CMIP: variants seen among roughly 807,000 people sequenced by gnomAD.
The protein encoded by CMIP is c-Maf inducing protein.
A neutral mutation model predicts 97.3 loss-of-function variants in CMIP; 13 were observed. That is an observed-to-expected ratio of 0.13 (90% confidence interval 0.09 to 0.21). CMIP has a LOEUF of 0.21. Among genes scored for constraint, CMIP ranks in the 10% least tolerant of loss-of-function variants. CMIP has a pLI of 1.00. For synonymous variants in CMIP, 538 were observed against 436.3 expected (o/e 1.23, Z -2.91); for missense variants, 847 against 1,024.9 (o/e 0.83, Z 2.37).
intron 15 of CMIP, among the ~76,000 whole-genome samples, chr16:81,700,905 C>T: frequency 6.6e-6 from 1 of 151,992 alleles, no homozygotes; most frequent in Non-Finnish European, 1.5e-5. Context: ...ATTCGGAGGC[C>T]ATGGGGGAGG....
intron 1 of CMIP, 139 bp from the exon 2 acceptor site, chr16:81,607,428 A>C: frequency 9.1e-7 from 1 of 1,094,614 alleles, no homozygotes. Flanking sequence ...TGCTTTGGTC[A>C]CCAGAGGTGC....
chr16:81,647,445 C>T (rs1269828553), intron 3 of CMIP, among the ~76,000 whole-genome samples: 2 of 152,134 alleles, frequency 1.3e-5, no homozygotes, highest in Non-Finnish European at 2.9e-5. Flanking sequence ...TCACCGCATG[C>T]TATAGTTCAC....
In CMIP at chr16:81,616,377, T is replaced by C. The variant is rs944172144; in HGVS notation, c.427-4499T>C. ...GGGAGGGCAGGGGCAGGCGCCGGAG[T>C]GTGCAGAGGCACCCCACTGCCTGCT... On this transcript the variant is annotated intron_variant, in intron 2 of 20. Coordinates refer to ENST00000537098, the MANE Select transcript of CMIP (RefSeq NM_198390.3). The surrounding 1 kb of genome is among the most constrained non-coding windows in gnomAD (Gnocchi z 4.7). 2.0e-5 allele frequency among the ~76,000 whole-genome samples: 3 copies of C among 151,896 alleles called. No homozygotes were observed. Among genetic ancestry groups the C allele is most frequent in the African/African-American group, 4.8e-5 (2 of 41,322 alleles).
At position 81,621,032 on chromosome 16, in the gene CMIP, C is replaced by T. The variant is rs1156691183; in HGVS notation, c.477+106C>T. The T allele has an allele frequency of 1.4e-6, 2 of 1,402,390 alleles. No individual in the cohort carries two copies. The highest frequency in any genetic ancestry group is 2.0e-6 in the Non-Finnish European group (2 of 1,011,074). 86.9% of individuals were successfully genotyped at this position (1,402,390 alleles called of 1,614,324 possible). On this transcript the variant is annotated intron_variant, in intron 3 of 20. Transcript: ENST00000537098. The surrounding 1 kb of genome is among the most constrained non-coding windows in gnomAD (Gnocchi z 4.1). ...ATGAAAGTGGAGAACTCATGCCTTC[C>T]AGATGGCTCAGCTGAGGAACTTTGT...
At chr16:81,476,034 G>T in intron 1 of CMIP, 7 of 660,100 alleles carry the variant, frequency 1.1e-5, no homozygotes, top group Admixed American at 1.9e-5. Flanking sequence ...TATTCAAGTT[G>T]TCCACAGTTA....
chr16:81,674,178 C>T (rs1445827471), intron 9 of CMIP, among the ~76,000 whole-genome samples: 1 of 152,184 alleles, frequency 6.6e-6, no homozygotes, highest in African/African-American at 2.4e-5. Context: ...AGTGCAGGGA[C>T]TCCAGGGGCC....
At chr16:81,618,951 G>T (rs1041683040) in intron 2 of CMIP, 4 of 152,248 alleles carry the variant, frequency 2.6e-5, no homozygotes, top group Non-Finnish European at 5.9e-5. Flanking sequence ...CACAAGACCA[G>T]TAGAGCTTGG....
intron 1 of CMIP, among the ~76,000 whole-genome samples, chr16:81,483,789 G>A (rs2089271149): frequency 6.6e-6 from 1 of 152,118 alleles, no homozygotes; most frequent in South Asian, 2.1e-4. Flanking sequence ...ATAGCACAGT[G>A]GTTTATAAAC....
At chr16:81,654,082 C>G (rs1167699555) in intron 4 of CMIP, among the ~76,000 whole-genome samples, 1 of 152,230 alleles carries the variant, frequency 6.6e-6, no homozygotes, top group Non-Finnish European at 1.5e-5. Context: ...CGCCACCAGG[C>G]TCAACCACCA....
intron 13 of CMIP, among the ~76,000 whole-genome samples, chr16:81,694,176 G>C (rs913039279): frequency 6.6e-6 from 1 of 152,158 alleles, no homozygotes; most frequent in Admixed American, 6.6e-5. Flanking sequence ...GCTGGTCCAC[G>C]ACTGAGGCAA....
At chr16:81,572,614 C>G (rs899277708) in intron 1 of CMIP, among the ~76,000 whole-genome samples, 2 of 152,180 alleles carry the variant, frequency 1.3e-5, no homozygotes, top group Non-Finnish European at 2.9e-5. Context: ...CTCTGAGAAG[C>G]GACTTCCCCA....
At chr16:81,482,222 A>C (rs1354705089) in intron 1 of CMIP, among the ~76,000 whole-genome samples, 1 of 152,112 alleles carries the variant, frequency 6.6e-6, no homozygotes, top group South Asian at 2.1e-4. Flanking sequence ...TGGGCTCACC[A>C]GATCATTCAG....
intron 1 of CMIP, among the ~76,000 whole-genome samples, chr16:81,475,396 T>C (rs75394705): frequency 0.01 from 1,554 of 152,352 alleles, 36 homozygotes; most frequent in African/African-American, 0.035. Flanking sequence ...AAACCCTTCC[T>C]TTTCTCTGCC....
At chr16:81,636,182 T>TTTC in intron 3 of CMIP, among the ~76,000 whole-genome samples, 1 of 151,404 alleles carries the variant, frequency 6.6e-6, no homozygotes, top group Admixed American at 6.6e-5. Context: ...GTCCTCTGTA[T>TTTC]GAATTTTTCA....
In CMIP at chr16:81,604,996, C is replaced by A. The variant is rs571702164; in HGVS notation, c.301-2571C>A. On this transcript the variant is annotated intron_variant, in intron 1 of 20. Transcript: ENST00000537098. ...AAACAGCAGGTGAACCCTCCTGTTC[C>A]CACAGTATATAAACAGTAGCAGGGG... Among the ~76,000 whole-genome samples the A allele has an allele frequency of 2.6e-5, 4 of 152,274 alleles. No homozygotes were observed. The East Asian group carries it at 7.7e-4, about 29-fold the overall frequency.
chr16:81,585,398 A>T (rs2150910583), intron 1 of CMIP, among the ~76,000 whole-genome samples: 1 of 152,304 alleles, frequency 6.6e-6, no homozygotes, highest in Admixed American at 6.5e-5. Flanking sequence ...TATAATGTGC[A>T]ATCACTACCA....
intron 10 of CMIP, among the ~76,000 whole-genome samples, chr16:81,688,524 G>A (rs1905678165): frequency 6.6e-6 from 1 of 152,196 alleles, no homozygotes; most frequent in Non-Finnish European, 1.5e-5. Flanking sequence ...TAGTCACACT[G>A]ACTTTATTGT....
At chr16:81,560,658 G>A (rs1053117577) in intron 1 of CMIP, among the ~76,000 whole-genome samples, 1 of 152,152 alleles carries the variant, frequency 6.6e-6, no homozygotes, top group African/African-American at 2.4e-5. Flanking sequence ...TTCCAGTCCT[G>A]TAAGCTCCAT....
intron 10 of CMIP, among the ~76,000 whole-genome samples, chr16:81,687,201 C>G (rs1392614144): frequency 1.3e-5 from 2 of 152,028 alleles, no homozygotes; most frequent in African/African-American, 4.8e-5. Context: ...TCAGCAGTCC[C>G]CTCCCAAGCA....
Sources: gnomAD v4.1 joint callset for allele counts (sites outside exome capture counted in the v4.1 genomes callset) on GRCh38, gnomAD v4.1.1 for gene constraint, Gnocchi (gnomAD v3.1) non-coding constraint, MANE v1.5 for transcripts, NCBI Gene and HGNC (gene_info 2026-07-23, HGNC 2026-07-21) for gene names.